Variants in FJX1 observed in about 807,000 individuals in gnomAD.
FJX1 encodes the protein four-jointed box protein 1.
Under a neutral mutation model 28.7 loss-of-function variants are expected in FJX1, and 21 were observed. That is an observed-to-expected ratio of 0.73 (90% CI 0.52 to 1.05). The LOEUF (loss-of-function observed/expected upper bound fraction) is 1.05. Among genes scored for constraint, FJX1 ranks in the 50% least tolerant of loss-of-function variants. The probability of loss-of-function intolerance (pLI) is 0.00; values close to 1 mark genes in which losing one functional copy is unlikely to be tolerated. For missense variants in FJX1, 683 were observed against 647.2 expected (o/e 1.06, Z -0.60); for synonymous variants, 363 against 310.0 (o/e 1.17, Z -1.80).
At position 35,618,804 on chromosome 11, in the gene FJX1, C is replaced by T. The variant is rs1850855489; in HGVS notation, c.168C>T (p.Pro56=). 4 of 1,256,258 alleles carry T rather than the reference C, an allele frequency of 3.2e-6. No homozygotes were observed. Among genetic ancestry groups the T allele is most frequent in the Non-Finnish European group, 3.0e-6 (3 of 1,004,438 alleles). 77.8% of individuals were successfully genotyped at this position (1,256,258 alleles called of 1,614,324 possible). Residue 56 remains proline (P), a synonymous_variant, in exon 1 of 1, where the codon CCC becomes CCT. Coordinates refer to ENST00000317811, the MANE Select transcript of FJX1 (RefSeq NM_014344.4). This position sits in a 1 kb window ranked among gnomAD's most constrained non-coding sequence, Gnocchi z 4.2. ...GGCGCCCGGCCCGGAGCGGCGGCCC[C>T]GCGCCCGCGCCTCGCTTCCCTCTGC... The part of the protein sequence containing the change: ...LPRRPARSGG[P]APAPRFPLPP...
At position 35,618,817 on chromosome 11, in the gene FJX1, C is replaced by T. The variant is rs1032271775; in HGVS notation, c.181C>T (p.Arg61Cys). 2.4e-6 allele frequency: 3 copies of T among 1,274,538 alleles called. No individual in the cohort carries two copies. The highest frequency in any genetic ancestry group is 3.1e-5 in the African/African-American group (2 of 63,812). 79.0% of individuals were successfully genotyped at this position (1,274,538 alleles called of 1,614,324 possible). The change falls in exon 1 of 1, where the codon CGC becomes TGC. Residue 61 changes from arginine (R) to cysteine (C), a missense_variant. Arg to Cys is a radical substitution (Grantham distance 180, BLOSUM62 -3). Coordinates refer to ENST00000317811, the MANE Select transcript of FJX1 (RefSeq NM_014344.4). The surrounding 1 kb of genome is among the most constrained non-coding windows in gnomAD (Gnocchi z 4.2). Reference protein sequence around the residue: ...ARSGGPAPAPRFPLPPPLAWD... With the variant: ...ARSGGPAPAPCFPLPPPLAWD... ...GAGCGGCGGCCCCGCGCCCGCGCCT[C>T]GCTTCCCTCTGCCCCCGCCCCTGGC...
In FJX1 at chr11:35,618,924, G is replaced by T. The variant is rs1250633612; in HGVS notation, c.288G>T (p.Gln96His). The change falls in exon 1 of 1, where the codon CAG (glutamine) becomes CAT (histidine). Residue 96 changes from glutamine to histidine, a missense_variant. Physicochemically the swap from Gln to His is conservative, Grantham distance 24 (BLOSUM62 0). Transcript: ENST00000317811. The surrounding 1 kb of genome is among the most constrained non-coding windows in gnomAD (Gnocchi z 4.2). Reference sequence around the variant, plus strand: ...CCGGCGCGGACGGCCCGCCCCGGCAGTCCCGGAGCGAGCCCAGGTGGCACG... The same window carrying T: ...CCGGCGCGGACGGCCCGCCCCGGCATTCCCGGAGCGAGCCCAGGTGGCACG... ...LAAGADGPPR[Q>H]SRSEPRWHVS... The T allele has an allele frequency of 6.2e-6, 9 of 1,455,028 alleles. No individual in the cohort carries two copies. The highest frequency in any genetic ancestry group is 8.1e-6 in the Non-Finnish European group (9 of 1,110,922). The allele number at this position is 1,455,028 out of a possible 1,614,324, so 90.1% of individuals were successfully genotyped here.
chr11:35,618,961 C>T lies in FJX1; in HGVS notation c.325C>T (p.Gln109Ter), dbSNP rs1246336419. 2 of 1,472,850 alleles carry T rather than the reference C, an allele frequency of 1.4e-6. No individual in the cohort carries two copies. The highest frequency in any genetic ancestry group is 2.6e-5 in the South Asian group (2 of 76,986). The allele number at this position is 1,472,850 out of a possible 1,614,324, so 91.2% of individuals were successfully genotyped here. A position where few individuals can be genotyped will look rare whatever the true frequency, so the allele number is the denominator to read the frequency against. ...SEPRWHVSAR[Q>*]PRPEESAAVH... ...GCCCAGGTGGCACGTGTCAGCCAGG[C>T]AGCCCCGGCCGGAGGAGAGCGCCGC... The change falls in exon 1 of 1, where the codon CAG becomes TAG. Residue 109 changes from glutamine (Q) to a stop codon, truncating the protein, a stop_gained. Transcript: ENST00000317811. LOFTEE classifies it high-confidence loss of function. The surrounding 1 kb of genome is among the most constrained non-coding windows in gnomAD (Gnocchi z 4.2).
At position 35,618,735 on chromosome 11, in the gene FJX1, G is replaced by T; in HGVS notation, c.99G>T (p.Arg33=). 7.9e-7 allele frequency: 1 copy of T among 1,260,634 alleles called. No individual in the cohort carries two copies. The allele number at this position is 1,260,634 out of a possible 1,614,324, so 78.1% of individuals were successfully genotyped here. A position where few individuals can be genotyped will look rare whatever the true frequency, so the allele number is the denominator to read the frequency against. Residue 33 remains arginine (R), a synonymous_variant, in exon 1 of 1, where the codon CGG becomes CGT. Coordinates refer to ENST00000317811, the MANE Select transcript of FJX1 (RefSeq NM_014344.4). This position sits in a 1 kb window ranked among gnomAD's most constrained non-coding sequence, Gnocchi z 4.2. ...TGTGGGGAGGGCTCCTGCCGCCGCG[G>T]ACCGAGCTGCCCGCCTCCCGGCCGC... ...LALWGGLLPP[R]TELPASRPPE...
At position 35,619,258 on chromosome 11, in the gene FJX1, C is replaced by T; in HGVS notation, c.622C>T (p.Pro208Ser). ...ARLLGLQRHV[P>S]PLALARVEAR... ...CCTGCTGGGCCTCCAGCGCCACGTG[C>T]CGCCGCTGGCACTGGCTCGGGTGGA... The change falls in exon 1 of 1, where the codon CCG becomes TCG. Residue 208 changes from proline to serine, a missense_variant. Transcript: ENST00000317811. This position sits in a 1 kb window ranked among gnomAD's most constrained non-coding sequence, Gnocchi z 7.6. 1 of 1,568,150 alleles carries T rather than the reference C, an allele frequency of 6.4e-7. No individual in the cohort carries two copies.
In FJX1 at chr11:35,620,143, G is replaced by T; in HGVS notation, c.*193G>T. 1 of 803,094 alleles carries T rather than the reference G, an allele frequency of 1.2e-6. No homozygotes were observed. Among genetic ancestry groups the T allele is most frequent in the Non-Finnish European group, 2.0e-6 (1 of 509,490 alleles). The allele number at this position is 803,094 out of a possible 1,614,324, so 49.7% of individuals were successfully genotyped here. On this transcript the variant is annotated 3_prime_UTR_variant, in exon 1 of 1. Coordinates refer to ENST00000317811, the MANE Select transcript of FJX1 (RefSeq NM_014344.4). ...TTTCCTTTCAAAGTTCTGGGAGGACGAACTCACCGAGGCGAGAAGTGTAAC... is the reference window on the plus strand; with the variant it reads ...TTTCCTTTCAAAGTTCTGGGAGGACTAACTCACCGAGGCGAGAAGTGTAAC...
At position 35,619,516 on chromosome 11, in the gene FJX1, C is replaced by T. The variant is rs748780489; in HGVS notation, c.880C>T (p.Leu294Phe). Residue 294 changes from leucine to phenylalanine, a missense_variant, in exon 1 of 1, where the codon CTT becomes TTT. By Grantham distance (22) the Leu-to-Phe change is conservative. Coordinates refer to ENST00000317811, the MANE Select transcript of FJX1 (RefSeq NM_014344.4). The surrounding 1 kb of genome is among the most constrained non-coding windows in gnomAD (Gnocchi z 7.6). ...CCTAGTACAATGGACCGACTTAATC[C>T]TTTTCGACTACCTGACGGCCAACTT... ...VDLVQWTDLI[L>F]FDYLTANFDR... 1 of 1,599,920 alleles carries T rather than the reference C, an allele frequency of 6.3e-7. No homozygotes were observed. The highest frequency in any genetic ancestry group is 1.3e-5 in the African/African-American group (1 of 75,058).
chr11:35,618,530 C>G lies in FJX1; in HGVS notation c.-107C>G. 9.7e-7 allele frequency: 1 copy of G among 1,034,646 alleles called. No individual in the cohort carries two copies. Among genetic ancestry groups the G allele is most frequent in the Non-Finnish European group, 1.2e-6 (1 of 857,028 alleles). 64.1% of individuals were successfully genotyped at this position (1,034,646 alleles called of 1,614,324 possible). A position where few individuals can be genotyped will look rare whatever the true frequency, so the allele number is the denominator to read the frequency against. ...CCGCGGCCGCGATGGGGCCGAAGCG[C>G]CCGAAGCCCCGGAGCCCACAAACTG... On this transcript the variant is annotated 5_prime_UTR_variant, in exon 1 of 1. Transcript: ENST00000317811. This position sits in a 1 kb window ranked among gnomAD's most constrained non-coding sequence, Gnocchi z 4.2.
chr11:35,619,958 G>C lies in FJX1; in HGVS notation c.*8G>C. The C allele has an allele frequency of 1.3e-6, 2 of 1,583,930 alleles. No homozygotes were observed. Among genetic ancestry groups the C allele is most frequent in the Non-Finnish European group, 1.7e-6 (2 of 1,166,248 alleles). On this transcript the variant is annotated 3_prime_UTR_variant, in exon 1 of 1. Coordinates refer to ENST00000317811, the MANE Select transcript of FJX1 (RefSeq NM_014344.4). This position sits in a 1 kb window ranked among gnomAD's most constrained non-coding sequence, Gnocchi z 7.6. ...CGCCGGTCTGGGACTTAGTGTCACC[G>C]GGAGGAAAAGAGAGAGATCTGGGGC...
In FJX1 at chr11:35,618,825, T is replaced by C; in HGVS notation, c.189T>C (p.Pro63=). 1 of 1,303,848 alleles carries C rather than the reference T, an allele frequency of 7.7e-7. No homozygotes were observed. The highest frequency in any genetic ancestry group is 9.7e-7 in the Non-Finnish European group (1 of 1,031,060). The allele number at this position is 1,303,848 out of a possible 1,614,324, so 80.8% of individuals were successfully genotyped here. Residue 63 remains proline (P), a synonymous_variant, in exon 1 of 1, where the codon CCT becomes CCC. Transcript: ENST00000317811. The surrounding 1 kb of genome is among the most constrained non-coding windows in gnomAD (Gnocchi z 4.2). ...SGGPAPAPRF[P]LPPPLAWDAR... ...GCCCCGCGCCCGCGCCTCGCTTCCC[T>C]CTGCCCCCGCCCCTGGCGTGGGACG...
At position 35,618,994 on chromosome 11, in the gene FJX1, G is replaced by C. The variant is rs748206142; in HGVS notation, c.358G>C (p.Gly120Arg). The change falls in exon 1 of 1, where the codon GGG becomes CGG. Residue 120 changes from glycine (G) to arginine (R), a missense_variant. Physicochemically the swap from Gly to Arg is moderately radical, Grantham distance 125. Coordinates refer to ENST00000317811, the MANE Select transcript of FJX1 (RefSeq NM_014344.4). This position sits in a 1 kb window ranked among gnomAD's most constrained non-coding sequence, Gnocchi z 4.2. ...PRPEESAAVH[G>R]GVFWSRGLEE... ...GCCGGAGGAGAGCGCCGCGGTGCAC[G>C]GGGGCGTCTTCTGGAGCCGCGGCCT... 7 of 1,475,390 alleles carry C rather than the reference G, an allele frequency of 4.7e-6. No individual in the cohort carries two copies. The South Asian group carries it at 6.6e-5, about 14-fold the overall frequency. The allele number at this position is 1,475,390 out of a possible 1,614,324, so 91.4% of individuals were successfully genotyped here.
Position 35,619,115 on chromosome 11 carries a change from GT to G in FJX1, c.481del (p.Cys161AlafsTer80), listed in dbSNP as rs2135463021. The G allele has an allele frequency of 6.5e-7, 1 of 1,534,480 alleles. No homozygotes were observed. Among genetic ancestry groups the G allele is most frequent in the South Asian group, 1.2e-5 (1 of 82,950 alleles). On this transcript the variant is annotated frameshift_variant, in exon 1 of 1. Transcript: ENST00000317811. LOFTEE classifies it high-confidence loss of function. This position sits in a 1 kb window ranked among gnomAD's most constrained non-coding sequence, Gnocchi z 7.6. ...GARMVALERGGCGRSSNRLAR... is the reference protein window; with the variant it reads ...GARMVALERGXCGRSSNRLAR... Reference sequence around the variant, plus strand: ...CGGATGGTGGCCCTGGAGCGCGGGGGTTGCGGGCGCAGCTCCAACCGACTGG... The same window carrying G: ...CGGATGGTGGCCCTGGAGCGCGGGGGTGCGGGCGCAGCTCCAACCGACTGG...
Position 35,619,688 on chromosome 11 carries a change from G to T in FJX1, c.1052G>T (p.Gly351Val), listed in dbSNP as rs1417871931. ...TTGGTGCACGGCTACCGGGTAGCAG[G>T]CATGTGGGACAAGTATAACGAGCCG... ...AGLVHGYRVA[G>V]MWDKYNEPLL... The change falls in exon 1 of 1, where the codon GGC (glycine) becomes GTC (valine). Residue 351 changes from glycine (G) to valine (V), a missense_variant. Gly to Val is a moderately radical substitution (Grantham distance 109). Coordinates refer to ENST00000317811, the MANE Select transcript of FJX1 (RefSeq NM_014344.4). The surrounding 1 kb of genome is among the most constrained non-coding windows in gnomAD (Gnocchi z 7.6). The T allele has an allele frequency of 1.2e-6, 2 of 1,605,798 alleles. No individual in the cohort carries two copies. Among genetic ancestry groups the T allele is most frequent in the South Asian group, 2.2e-5 (2 of 90,482 alleles).
At position 35,619,088 on chromosome 11, in the gene FJX1, C is replaced by T. The variant is rs974351566; in HGVS notation, c.452C>T (p.Ala151Val). Residue 151 changes from alanine (A) to valine (V), a missense_variant, in exon 1 of 1, where the codon GCC (alanine) becomes GTC (valine). Ala to Val is a moderately conservative substitution (Grantham distance 64). Coordinates refer to ENST00000317811, the MANE Select transcript of FJX1 (RefSeq NM_014344.4). This position sits in a 1 kb window ranked among gnomAD's most constrained non-coding sequence, Gnocchi z 7.6. Reference sequence around the variant, plus strand: ...GCGTGGCTGGAGGCGGCTCGCGGCGCCCGGATGGTGGCCCTGGAGCGCGGG... The same window carrying T: ...GCGTGGCTGGAGGCGGCTCGCGGCGTCCGGATGGTGGCCCTGGAGCGCGGG... Reference protein sequence around the residue: ...AAAWLEAARGARMVALERGGC... With the variant: ...AAAWLEAARGVRMVALERGGC... 6.7e-7 allele frequency: 1 copy of T among 1,492,520 alleles called. No homozygotes were observed. The highest frequency in any genetic ancestry group is 1.5e-5 in the African/African-American group (1 of 68,256). The allele number at this position is 1,492,520 out of a possible 1,614,324, so 92.5% of individuals were successfully genotyped here. A position where few individuals can be genotyped will look rare whatever the true frequency, so the allele number is the denominator to read the frequency against.
At position 35,618,533 on chromosome 11, in the gene FJX1, G is replaced by A; in HGVS notation, c.-104G>A. 1 of 1,042,708 alleles carries A rather than the reference G, an allele frequency of 9.6e-7. No homozygotes were observed. The highest frequency in any genetic ancestry group is 7.3e-5 in the East Asian group (1 of 13,718). The allele number at this position is 1,042,708 out of a possible 1,614,324, so 64.6% of individuals were successfully genotyped here. A position where few individuals can be genotyped will look rare whatever the true frequency, so the allele number is the denominator to read the frequency against. On this transcript the variant is annotated 5_prime_UTR_variant, in exon 1 of 1. Transcript: ENST00000317811. This position sits in a 1 kb window ranked among gnomAD's most constrained non-coding sequence, Gnocchi z 4.2. ...CGGCCGCGATGGGGCCGAAGCGCCCGAAGCCCCGGAGCCCACAAACTGCCG... is the reference window on the plus strand; with the variant it reads ...CGGCCGCGATGGGGCCGAAGCGCCCAAAGCCCCGGAGCCCACAAACTGCCG...
chr11:35,618,664 G>A lies in FJX1; in HGVS notation c.28G>A (p.Ala10Thr), dbSNP rs773606626. MGRRMRGAA[A>T]TAGLWLLALG... is the part of the protein sequence containing the mutation. ...GGGCAGGAGGATGCGGGGCGCCGCCGCCACCGCGGGGCTCTGGCTGCTGGC... is the reference window on the plus strand; with the variant it reads ...GGGCAGGAGGATGCGGGGCGCCGCCACCACCGCGGGGCTCTGGCTGCTGGC... The change falls in exon 1 of 1, where the codon GCC becomes ACC. Residue 10 changes from alanine (A) to threonine (T), a missense_variant. Ala to Thr is a moderately conservative substitution (Grantham distance 58). Coordinates refer to ENST00000317811, the MANE Select transcript of FJX1 (RefSeq NM_014344.4). The surrounding 1 kb of genome is among the most constrained non-coding windows in gnomAD (Gnocchi z 4.2). The A allele has an allele frequency of 1.3e-5, 16 of 1,213,424 alleles. No homozygotes were observed. Among genetic ancestry groups the A allele is most frequent in the Non-Finnish European group, 2.1e-6 (2 of 973,174 alleles). 75.2% of individuals were successfully genotyped at this position (1,213,424 alleles called of 1,614,324 possible).
Position 35,619,202 on chromosome 11 carries a change from A to AG in FJX1, c.569dup (p.Glu191ArgfsTer84). 1 of 1,587,826 alleles carries AG rather than the reference A, an allele frequency of 6.3e-7. No individual in the cohort carries two copies. The highest frequency in any genetic ancestry group is 1.1e-5 in the South Asian group (1 of 89,368). ...TACGGCATCAACCCGGAGCAGATTC[A>AG]GGGCGAGGCCCTGTCTTACTATCTG... On this transcript the variant is annotated frameshift_variant, in exon 1 of 1. Transcript: ENST00000317811. LOFTEE classifies it high-confidence loss of function. This position sits in a 1 kb window ranked among gnomAD's most constrained non-coding sequence, Gnocchi z 7.6.
chr11:35,618,963 GC>G lies in FJX1; in HGVS notation c.331del (p.Arg111GlyfsTer130). On this transcript the variant is annotated frameshift_variant, in exon 1 of 1. Transcript: ENST00000317811. LOFTEE classifies it high-confidence loss of function. The surrounding 1 kb of genome is among the most constrained non-coding windows in gnomAD (Gnocchi z 4.2). ...EPRWHVSARQ[P>X]RPEESAAVHG... is the part of the protein sequence containing the mutation. ...CCAGGTGGCACGTGTCAGCCAGGCAGCCCCGGCCGGAGGAGAGCGCCGCGGT... is the reference window on the plus strand; with the variant it reads ...CCAGGTGGCACGTGTCAGCCAGGCAGCCCGGCCGGAGGAGAGCGCCGCGGT... 1.4e-6 allele frequency: 2 copies of G among 1,474,228 alleles called. No homozygotes were observed. The highest frequency in any genetic ancestry group is 8.9e-7 in the Non-Finnish European group (1 of 1,121,232). The allele number at this position is 1,474,228 out of a possible 1,614,324, so 91.3% of individuals were successfully genotyped here.
At position 35,619,998 on chromosome 11, in the gene FJX1, TG is replaced by T. The variant is rs1349217693; in HGVS notation, c.*54del. The stretch of plus-strand genomic sequence containing the variant: ...AGATCTGGGGCTGGGGTATGGATGA[TG>T]GGGGGAAGGGCGGTCGCCTCTGCCA... On this transcript the variant is annotated 3_prime_UTR_variant, in exon 1 of 1. Coordinates refer to ENST00000317811, the MANE Select transcript of FJX1 (RefSeq NM_014344.4). This position sits in a 1 kb window ranked among gnomAD's most constrained non-coding sequence, Gnocchi z 7.6. 3.3e-5 allele frequency: 52 copies of T among 1,555,200 alleles called. No individual in the cohort carries two copies. The highest frequency in any genetic ancestry group is 3.1e-5 in the Non-Finnish European group (36 of 1,151,510).
Sources: gnomAD v4.1 joint callset for allele counts on GRCh38, gnomAD v4.1.1 for gene constraint, Gnocchi (gnomAD v3.1) non-coding constraint, MANE v1.5 for transcripts, NCBI Gene and HGNC (gene_info 2026-07-23, HGNC 2026-07-21) for gene names.